CEP89: variants seen among roughly 807,000 people sequenced by gnomAD.
The protein encoded by CEP89 is centrosomal protein of 89 kDa.
CEP89 carries 95 observed loss-of-function variants against 97.6 expected under a neutral mutation model. The observed-to-expected ratio is 0.97, with a 90% CI of 0.82 to 1.15. CEP89 has a LOEUF of 1.15. Among genes scored for constraint, CEP89 ranks in the 50% most tolerant of loss-of-function variants. The pLI is 0.00. For missense variants in CEP89, 869 were observed against 947.7 expected (o/e 0.92, Z 1.09); for synonymous variants, 354 against 349.1 (o/e 1.01, Z -0.16).
chr19:32,898,870 A>C (rs1969700941), intron 16 of CEP89, among the ~76,000 whole-genome samples: 1 of 131,176 alleles, frequency 7.6e-6, no homozygotes, highest in African/African-American at 3.0e-5. Flanking sequence ...TGACAGCGTG[A>C]GACTCCATCT....
At chr19:32,889,600 G>A (rs990363803) in intron 16 of CEP89, among the ~76,000 whole-genome samples, 1 of 152,132 alleles carries the variant, frequency 6.6e-6, no homozygotes, top group Non-Finnish European at 1.5e-5. Context: ...ATTGGGGGTG[G>A]GCCGAGAGGA....
intron 14 of CEP89, among the ~76,000 whole-genome samples, chr19:32,913,315 TGTTG>T (rs1568556790): frequency 0.018 from 645 of 36,074 alleles, 7 homozygotes; most frequent in African/African-American, 0.069. Flanking sequence ...ATTTTTTTGT[TGTTG>T]TTGTTGTTGT....
At chr19:32,965,901 C>A (rs1971272050) in intron 2 of CEP89, 1 of 150,764 alleles carries the variant, frequency 6.6e-6, no homozygotes, top group African/African-American at 2.4e-5. Flanking sequence ...GCCTGTAATC[C>A]CAGCTACTCC....
intron 14 of CEP89, among the ~76,000 whole-genome samples, chr19:32,903,789 T>C (rs908495034): frequency 6.6e-6 from 1 of 152,148 alleles, no homozygotes; most frequent in Non-Finnish European, 1.5e-5. Context: ...CAAGAAATAA[T>C]AGCCAAAAGA....
intron 4 of CEP89, among the ~76,000 whole-genome samples, chr19:32,952,903 CAAAAAAAAAAA>C (rs34455504): frequency 5.9e-4 from 29 of 48,788 alleles, no homozygotes; most frequent in African/African-American, 2.5e-3. Flanking sequence ...GACTCTGTCT[CAAAAAAAAAAA>C]AAAAAAAAAA....
In CEP89 at chr19:32,923,462, A is replaced by G. The variant is rs1374625483; in HGVS notation, c.1245T>C (p.Ser415=). 1 of 1,603,826 alleles carries G rather than the reference A, an allele frequency of 6.2e-7. No homozygotes were observed. The highest frequency in any genetic ancestry group is 8.5e-7 in the Non-Finnish European group (1 of 1,171,222). The change falls in exon 12 of 19, where the codon AGT becomes AGC. Residue 415 remains serine, a synonymous_variant. Coordinates refer to ENST00000305768, the MANE Select transcript of CEP89 (RefSeq NM_032816.5). The part of the protein sequence containing the change: ...NEELHQELNK[S]SAVTSEEWRQ... ...GCCATTCCTCACTGGTAACAGCACT[A>G]CTCTTATTTAACTCTTGGTGCAATT... is the stretch of plus-strand genomic sequence containing the variant.
Position 32,879,175 on chromosome 19 carries a change from G to A in CEP89, c.2339C>T (p.Ala780Val). 1.2e-6 allele frequency: 2 copies of A among 1,610,170 alleles called. No individual in the cohort carries two copies. Among genetic ancestry groups the A allele is most frequent in the Non-Finnish European group, 1.7e-6 (2 of 1,177,460 alleles). The change falls in exon 19 of 19, where the codon GCC becomes GTC. Residue 780 changes from alanine (A) to valine (V), a missense_variant. Transcript: ENST00000305768. ...CTCCCGCAGATTCTAGCAGGTGGGG[G>A]CATGAGACTTCAGGTCATAGGAGCA... The part of the protein sequence containing the change: ...DVCSYDLKSH[A>V]PTC
Position 32,876,523 on chromosome 19 carries a change from CTCTGAGTGCCTGCTGT to C in CEP89, c.*2623_*2638del. On this transcript the variant is annotated 3_prime_UTR_variant, in exon 19 of 19. Transcript: ENST00000305768. ...GCTCTGACCAAACCCCCTCCTGCTG[CTCTGAGTGCCTGCTGT>C]GCTCCTGGGGGCCCTCTCCACCCTT... 6.5e-6 allele frequency: 1 copy of C among 154,244 alleles called. No homozygotes were observed. The highest frequency in any genetic ancestry group is 3.3e-3 in the Middle Eastern group (1 of 300). 9.6% of individuals were successfully genotyped at this position (154,244 alleles called of 1,614,324 possible).
Position 32,926,227 on chromosome 19 carries a change from A to G in CEP89, c.1127T>C (p.Met376Thr), listed in dbSNP as rs771578012. ...LSPLLLAYEDMMKEKDELNAT... is the reference protein window; with the variant it reads ...LSPLLLAYEDTMKEKDELNAT... ...ATTGAGCTCGTCCTTCTCTTTCATC[A>G]TATCTTCATAAGCCAGCAACAATGG... Residue 376 changes from methionine (M) to threonine (T), a missense_variant, in exon 11 of 19, where the codon ATG becomes ACG. Met to Thr is a moderately conservative substitution (Grantham distance 81). Transcript: ENST00000305768. The G allele has an allele frequency of 1.9e-6, 3 of 1,613,794 alleles. No individual in the cohort carries two copies. The highest frequency in any genetic ancestry group is 2.2e-5 in the East Asian group (1 of 44,866).
At chr19:32,893,162 T>C (rs1969570673) in intron 16 of CEP89, among the ~76,000 whole-genome samples, 2 of 151,264 alleles carry the variant, frequency 1.3e-5, no homozygotes, top group Middle Eastern at 3.4e-3. Context: ...ATTTCACTTG[T>C]AAAGATCCAT....
chr19:32,970,308 TG>T (rs1036166485), intron 1 of CEP89: 1 of 152,236 alleles, frequency 6.6e-6, no homozygotes, highest in Non-Finnish European at 1.5e-5. Flanking sequence ...GGCCATAAGC[TG>T]TCAGTTGTGG....
At chr19:32,955,555 C>A (rs1971028240) in intron 3 of CEP89, among the ~76,000 whole-genome samples, 1 of 152,058 alleles carries the variant, frequency 6.6e-6, no homozygotes, top group African/African-American at 2.4e-5. Flanking sequence ...GCTCTGTCAC[C>A]CAGGCTGGAG....
chr19:32,966,574 A>G (rs560850823), intron 1 of CEP89, 108 bp from the exon 2 acceptor site: 267 of 519,334 alleles, frequency 5.1e-4, no homozygotes, highest in African/African-American at 4.6e-3. Flanking sequence ...CTGGCCACCC[A>G]TGGATCCAAA....
In CEP89 at chr19:32,877,463, G is replaced by A. The variant is rs957701832; in HGVS notation, c.*1699C>T. On this transcript the variant is annotated 3_prime_UTR_variant, in exon 19 of 19. Transcript: ENST00000305768. ...AGCATGCCTGGGACTGAATGGTCCTGAGCGGCTGGGGTAATTTTCCTGAGG... is the reference window on the plus strand; with the variant it reads ...AGCATGCCTGGGACTGAATGGTCCTAAGCGGCTGGGGTAATTTTCCTGAGG... 1.3e-5 allele frequency: 2 copies of A among 152,146 alleles called. No homozygotes were observed. Among genetic ancestry groups the A allele is most frequent in the African/African-American group, 2.4e-5 (1 of 41,394 alleles). The allele number at this position is 152,146 out of a possible 1,614,324, so 9.4% of individuals were successfully genotyped here. A position where few individuals can be genotyped will look rare whatever the true frequency, so the allele number is the denominator to read the frequency against.
At chr19:32,945,432 CCCAACCACCA>C (rs1281904805) in intron 5 of CEP89, among the ~76,000 whole-genome samples, 2 of 152,204 alleles carry the variant, frequency 1.3e-5, no homozygotes, top group Non-Finnish European at 2.9e-5. Context: ...TGCAATCCCT[CCCAACCACCA>C]CCTGTGTGCC....
At chr19:32,961,655 CTTTT>C (rs1242500067) in intron 2 of CEP89, among the ~76,000 whole-genome samples, 1 of 147,448 alleles carries the variant, frequency 6.8e-6, no homozygotes, top group Non-Finnish European at 1.5e-5. Context: ...GGTTTTGGGG[CTTTT>C]TTTTGAGACG....
chr19:32,898,155 A>T (rs1374856194), intron 16 of CEP89, among the ~76,000 whole-genome samples: 1 of 152,238 alleles, frequency 6.6e-6, no homozygotes, highest in Non-Finnish European at 1.5e-5. Flanking sequence ...ACAAACAGAT[A>T]AAGAAAATAT....
chr19:32,923,042 T>C (rs1489267877), intron 12 of CEP89, among the ~76,000 whole-genome samples: 1 of 152,092 alleles, frequency 6.6e-6, no homozygotes, highest in Admixed American at 6.6e-5. Context: ...GGATGGAAGC[T>C]GGTCGTGCAA....
chr19:32,901,166 G>T (rs958175240), intron 15 of CEP89, 79 bp downstream of exon 15: 2 of 1,372,654 alleles, frequency 1.5e-6, no homozygotes, highest in African/African-American at 1.5e-5. Flanking sequence ...GATTACAGGA[G>T]TGAGCCACTG....
Sources: gnomAD v4.1 joint callset for allele counts (sites outside exome capture counted in the v4.1 genomes callset) on GRCh38, gnomAD v4.1.1 for gene constraint, MANE v1.5 for transcripts, NCBI Gene and HGNC (gene_info 2026-07-23, HGNC 2026-07-21) for gene names.